Variants in RBFOX1 observed in about 807,000 individuals in gnomAD.
The protein encoded by RBFOX1 is RNA binding fox-1 homolog 1.
Under a neutral mutation model 57.7 loss-of-function variants are expected in RBFOX1, and 8 were observed. The ratio of observed to expected loss-of-function variants is 0.14; its 90% CI spans 0.08 to 0.25. The LOEUF is 0.25. Ranked by LOEUF, RBFOX1 falls within the 10% of genes least tolerant of loss-of-function variation. The pLI, the probability that RBFOX1 is intolerant of heterozygous loss-of-function variation, is 1.00. For synonymous variants in RBFOX1, 326 were observed against 222.4 expected, an observed-to-expected ratio of 1.47 and a Z score of -4.15; for missense variants, 611 against 548.5, an observed-to-expected ratio of 1.11 and a Z score of -1.14.
At chr16:6,627,494 C>G (rs1220896810) in intron 2 of RBFOX1, among the ~76,000 whole-genome samples, 1 of 152,152 alleles carries the variant, frequency 6.6e-6, no homozygotes, top group East Asian at 1.9e-4. Context: ...TGGAAACTTG[C>G]TCCCTGAAAC....
At chr16:5,734,872 G>A (rs540979415) in intron 3 of RBFOX1, among the ~76,000 whole-genome samples, 6 of 152,286 alleles carry the variant, frequency 3.9e-5, no homozygotes, top group South Asian at 4.2e-4. Context: ...AAGTAACATC[G>A]TGAGACACCT....
intron 3 of RBFOX1, among the ~76,000 whole-genome samples, chr16:6,660,604 GA>G (rs2098695179): frequency 2.0e-5 from 3 of 152,096 alleles, no homozygotes; most frequent in Admixed American, 2.0e-4. Context: ...GTGACCTTGA[GA>G]AGCTTTCTTA....
intron 1 of RBFOX1, among the ~76,000 whole-genome samples, chr16:6,309,411 C>T (rs936738175): frequency 4.6e-5 from 7 of 152,146 alleles, no homozygotes; most frequent in Non-Finnish European, 5.9e-5. Context: ...AAAGATCCGG[C>T]GCGGCCCAGG....
In RBFOX1 at chr16:5,333,045, G is replaced by A. The variant is rs184430695; in HGVS notation, c.219+92940G>A. 5.3e-5 allele frequency among the ~76,000 whole-genome samples: 8 copies of A among 152,174 alleles called. No individual in the cohort carries two copies. In the East Asian group the frequency reaches 5.8e-4, roughly 11 times the overall value. On this transcript the variant is annotated intron_variant, in intron 1 of 2. Transcript: ENST00000585867. The stretch of plus-strand genomic sequence containing the variant: ...TATTAAAAATACAAAAAAATTAGCC[G>A]GGTGTGGTGGTGGGCACCTGTAGTC...
chr16:6,500,558 C>T (rs1157001665), intron 2 of RBFOX1, among the ~76,000 whole-genome samples: 1 of 152,088 alleles, frequency 6.6e-6, no homozygotes. Context: ...ATATTCTGAA[C>T]ACAATAGAGT....
chr16:5,478,491 A>G (rs1306851471), intron 2 of RBFOX1, among the ~76,000 whole-genome samples: 1 of 152,206 alleles, frequency 6.6e-6, no homozygotes, highest in African/African-American at 2.4e-5. Flanking sequence ...CATCTATAGC[A>G]AATCATCAAG....
intron 1 of RBFOX1, among the ~76,000 whole-genome samples, chr16:5,383,826 T>C (rs537028509): frequency 5.5e-4 from 84 of 152,338 alleles, no homozygotes; most frequent in Non-Finnish European, 7.6e-4. Flanking sequence ...TTACTTTCTT[T>C]AGTAGAAAAG....
intron 1 of RBFOX1, among the ~76,000 whole-genome samples, chr16:5,308,833 C>A (rs17787267): frequency 1.6e-4 from 25 of 152,030 alleles, no homozygotes; most frequent in African/African-American, 5.1e-4. Context: ...ATCTCTCTCG[C>A]AGATTCCCAG....
At chr16:7,422,317 A>G (rs1426771540) in intron 4 of RBFOX1, among the ~76,000 whole-genome samples, 2 of 152,138 alleles carry the variant, frequency 1.3e-5, no homozygotes, top group African/African-American at 2.4e-5. Context: ...CCCACACAGG[A>G]GAGCAAGTGA....
chr16:5,894,320 T>C (rs2058109789), intron 4 of RBFOX1, among the ~76,000 whole-genome samples: 1 of 152,230 alleles, frequency 6.6e-6, no homozygotes, highest in Non-Finnish European at 1.5e-5. Context: ...TGTTGCTGTG[T>C]TGCCCAGGCT....
intron 13 of RBFOX1, 145 bp from the exon 14 acceptor site, chr16:7,676,629 T>C (rs902828614): frequency 4.4e-6 from 3 of 683,204 alleles, no homozygotes; most frequent in Non-Finnish European, 7.7e-6. Context: ...TGTTTTTGTA[T>C]TTTCGCTTTG....
In RBFOX1 at chr16:6,986,362, C is replaced by G. The variant is rs552566403; in HGVS notation, c.-15-65695C>G. 1.3e-3 allele frequency among the ~76,000 whole-genome samples: 204 copies of G among 152,136 alleles called. 1 individual carries two copies. The highest frequency in any genetic ancestry group is 2.5e-3 in the Non-Finnish European group (173 of 67,996). ...TGCAGGCGTCTGCCACCATGTCTGGCTAATTTTCCTGTTTCTAGTAGAGAC... is the reference window on the plus strand; with the variant it reads ...TGCAGGCGTCTGCCACCATGTCTGGGTAATTTTCCTGTTTCTAGTAGAGAC... On this transcript the variant is annotated intron_variant, in intron 3 of 15. Coordinates refer to ENST00000550418, the MANE Select transcript of RBFOX1 (RefSeq NM_018723.4).
intron 4 of RBFOX1, among the ~76,000 whole-genome samples, chr16:7,467,675 T>C (rs1744303083): frequency 6.6e-6 from 1 of 152,344 alleles, no homozygotes; most frequent in Non-Finnish European, 1.5e-5. Context: ...AATAAGATTG[T>C]ATACCTACAG....
intron 2 of RBFOX1, among the ~76,000 whole-genome samples, chr16:6,647,735 T>G (rs1318932894): frequency 6.6e-6 from 1 of 152,142 alleles, no homozygotes; most frequent in Non-Finnish European, 1.5e-5. Flanking sequence ...TGAGGTGTGA[T>G]GTGTTGCATT....
At chr16:7,083,866 C>T (rs1295550196) in intron 4 of RBFOX1, among the ~76,000 whole-genome samples, 1 of 152,106 alleles carries the variant, frequency 6.6e-6, no homozygotes, top group Non-Finnish European at 1.5e-5. Context: ...TCTCTACCAT[C>T]CTGAGGAATG....
In RBFOX1 at chr16:7,711,938, T is replaced by TC. The variant is rs1242668703; in HGVS notation, c.*1195dup. The TC allele has an allele frequency of 6.6e-6, 1 of 152,512 alleles. No individual in the cohort carries two copies. Among genetic ancestry groups the TC allele is most frequent in the Non-Finnish European group, 1.5e-5 (1 of 68,022 alleles). The allele number at this position is 152,512 out of a possible 1,614,324, so 9.4% of individuals were successfully genotyped here. ...TTTTCAGTCCGTGAGATCCTGCCCT[T>TC]CCACCTCTTTCCCATACCCCCAAGG... On this transcript the variant is annotated 3_prime_UTR_variant, in exon 16 of 16. Coordinates refer to ENST00000550418, the MANE Select transcript of RBFOX1 (RefSeq NM_018723.4).
chr16:6,144,838 C>G (rs2096745432), intron 1 of RBFOX1, among the ~76,000 whole-genome samples: 2 of 152,112 alleles, frequency 1.3e-5, no homozygotes, highest in African/African-American at 4.8e-5. Context: ...TTTATTGGAA[C>G]AAACTGTGAA....
intron 4 of RBFOX1, among the ~76,000 whole-genome samples, chr16:7,322,541 C>T (rs757951885): frequency 2.1e-4 from 32 of 152,222 alleles, no homozygotes; most frequent in Non-Finnish European, 8.8e-5. Context: ...CAGTCAGAAG[C>T]TCCTCTGGAG....
chr16:7,220,596 A>G (rs1218695253), intron 4 of RBFOX1, among the ~76,000 whole-genome samples: 1 of 152,174 alleles, frequency 6.6e-6, no homozygotes, highest in African/African-American at 2.4e-5. Context: ...TCTGTTGTGC[A>G]GGTATCATTG....
Sources: allele counts gnomAD v4.1 joint callset (sites outside exome capture counted in the v4.1 genomes callset), GRCh38; gene constraint gnomAD v4.1.1; transcripts MANE v1.5; gene names NCBI Gene and HGNC (gene_info 2026-07-23, HGNC 2026-07-21).